Variants in ST8SIA1 observed in about 807,000 individuals in gnomAD.
ST8SIA1 encodes the protein alpha-N-acetylneuraminide alpha-2,8-sialyltransferase.
Under a neutral mutation model 35.9 loss-of-function variants are expected in ST8SIA1, and 16 were observed. That is an observed-to-expected ratio of 0.45 (90% confidence interval 0.30 to 0.68). ST8SIA1 has a LOEUF of 0.68. Ranked by LOEUF, ST8SIA1 falls within the 30% of genes least tolerant of loss-of-function variation. ST8SIA1 has a pLI of 0.09. For missense variants in ST8SIA1, 383 were observed against 453.6 expected, an observed-to-expected ratio of 0.84 and a Z score of 1.41; for synonymous variants, 170 against 169.6, an observed-to-expected ratio of 1.00 and a Z score of -0.02.
intron 4 of ST8SIA1, among the ~76,000 whole-genome samples, chr12:22,211,193 T>A (rs934193809): frequency 2.6e-5 from 4 of 152,200 alleles, no homozygotes; most frequent in African/African-American, 9.6e-5. Context: ...TCTGCAACCC[T>A]CCAGGAACTT....
intron 4 of ST8SIA1, among the ~76,000 whole-genome samples, chr12:22,209,051 AC>A (rs1474825825): frequency 3.3e-5 from 5 of 152,206 alleles, no homozygotes; most frequent in African/African-American, 4.8e-5. Context: ...GACACAAAAG[AC>A]AATGTAAACA....
At chr12:22,262,087 T>G (rs1213849409) in intron 2 of ST8SIA1, among the ~76,000 whole-genome samples, 1 of 152,094 alleles carries the variant, frequency 6.6e-6, no homozygotes, top group Non-Finnish European at 1.5e-5. Context: ...AGTTGAGATT[T>G]CTGGTCTATT....
intron 4 of ST8SIA1, among the ~76,000 whole-genome samples, chr12:22,229,149 G>A: frequency 6.6e-6 from 1 of 152,058 alleles, no homozygotes; most frequent in African/African-American, 2.4e-5. Flanking sequence ...CAGGGGAGGG[G>A]TGTTGAAGGA....
rs1019474597 is a variant in ST8SIA1 at position 22,200,451 on chromosome 12, C to T, written c.*1101G>A. 14 of 152,118 alleles carry T rather than the reference C, an allele frequency of 9.2e-5. No individual in the cohort carries two copies. The highest frequency in any genetic ancestry group is 1.4e-4 in the African/African-American group (6 of 41,430). The allele number at this position is 152,118 out of a possible 1,614,324, so 9.4% of individuals were successfully genotyped here. Reference sequence around the variant, plus strand: ...GTATGCATACATGTTAAGCCTTTTACATTTTTAATGGTATACTAGTAAAAA... The same window carrying T: ...GTATGCATACATGTTAAGCCTTTTATATTTTTAATGGTATACTAGTAAAAA... On this transcript the variant is annotated 3_prime_UTR_variant, in exon 5 of 5. Coordinates refer to ENST00000396037, the MANE Select transcript of ST8SIA1 (RefSeq NM_003034.4).
At chr12:22,313,574 G>A (rs73087100) in intron 1 of ST8SIA1, among the ~76,000 whole-genome samples, 5,183 of 152,250 alleles carry the variant, frequency 0.034, 164 homozygotes, top group South Asian at 0.16. Flanking sequence ...ACCTATTTCA[G>A]TGAATCTAGA....
intron 4 of ST8SIA1, among the ~76,000 whole-genome samples, chr12:22,214,344 G>A (rs1865210673): frequency 6.6e-6 from 1 of 152,028 alleles, no homozygotes; most frequent in Non-Finnish European, 1.5e-5. Flanking sequence ...TTTTATAGTA[G>A]AAATCAATAG....
chr12:22,291,735 A>G (rs751125057), intron 1 of ST8SIA1, among the ~76,000 whole-genome samples: 15 of 152,334 alleles, frequency 9.8e-5, no homozygotes, highest in Admixed American at 5.9e-4. Flanking sequence ...AAATTCTATC[A>G]GTCAGGTGAA....
intron 1 of ST8SIA1, among the ~76,000 whole-genome samples, chr12:22,320,961 A>G (rs868499680): frequency 0.02 from 1,575 of 78,594 alleles, 13 homozygotes; most frequent in Non-Finnish European, 0.031. Flanking sequence ...AAGAAAGAGA[A>G]AGAAAGAAAG....
intron 1 of ST8SIA1, among the ~76,000 whole-genome samples, chr12:22,309,390 C>A (rs1866423468): frequency 6.6e-6 from 1 of 152,136 alleles, no homozygotes; most frequent in African/African-American, 2.4e-5. Flanking sequence ...ATGGAGAATG[C>A]ACAGTAAGGG....
chr12:22,233,464 A>G (rs1865440291), intron 4 of ST8SIA1, among the ~76,000 whole-genome samples: 2 of 152,146 alleles, frequency 1.3e-5, no homozygotes, highest in African/African-American at 4.8e-5. Context: ...AGAATCATAA[A>G]TCACCCTTTT....
chr12:22,317,935 T>C (rs1238415000), intron 1 of ST8SIA1, among the ~76,000 whole-genome samples: 1 of 152,168 alleles, frequency 6.6e-6, no homozygotes, highest in Non-Finnish European at 1.5e-5. Context: ...GGAGATTATA[T>C]ATCTCAGTTT....
intron 1 of ST8SIA1, chr12:22,324,493 A>G (rs1866647814): frequency 6.6e-6 from 1 of 152,196 alleles, no homozygotes; most frequent in South Asian, 2.1e-4. Flanking sequence ...TCTTACAGCC[A>G]TTAGAAGAGA....
intron 1 of ST8SIA1, among the ~76,000 whole-genome samples, chr12:22,287,594 A>G (rs2135816870): frequency 6.6e-6 from 1 of 152,292 alleles, no homozygotes; most frequent in South Asian, 2.1e-4. Context: ...ACAGTTGCAG[A>G]TGTACTGATT....
chr12:22,206,346 G>A (rs1340292240), intron 4 of ST8SIA1, among the ~76,000 whole-genome samples: 1 of 152,140 alleles, frequency 6.6e-6, no homozygotes, highest in Non-Finnish European at 1.5e-5. Flanking sequence ...ATACCTGGAG[G>A]CAGGAGATAC....
chr12:22,273,228 G>C (rs1396453297), intron 2 of ST8SIA1, among the ~76,000 whole-genome samples: 1 of 152,262 alleles, frequency 6.6e-6, no homozygotes, highest in Admixed American at 6.5e-5. Flanking sequence ...GACCCCACCT[G>C]CCCGTTTGGC....
intron 2 of ST8SIA1, among the ~76,000 whole-genome samples, chr12:22,272,020 T>A (rs1370712375): frequency 6.6e-6 from 1 of 152,226 alleles, no homozygotes; most frequent in East Asian, 1.9e-4. Context: ...ACTTAATCTA[T>A]CTTACATCTT....
intron 4 of ST8SIA1, chr12:22,223,884 T>C (rs774144651): frequency 1.9e-5 from 18 of 967,984 alleles, no homozygotes; most frequent in Admixed American, 5.8e-5. Context: ...AATTCTGTTA[T>C]ATCTTCTTTT....
intron 1 of ST8SIA1, among the ~76,000 whole-genome samples, chr12:22,317,766 A>T (rs550006727): frequency 8.5e-5 from 13 of 152,296 alleles, no homozygotes; most frequent in Non-Finnish European, 1.6e-4. Context: ...GAGTCACTAA[A>T]CGCAGCCTCC....
intron 2 of ST8SIA1, among the ~76,000 whole-genome samples, chr12:22,265,965 G>T (rs990115673): frequency 4.0e-5 from 6 of 151,860 alleles, no homozygotes; most frequent in Admixed American, 2.6e-4. Context: ...ACCCACCCAG[G>T]ACCTCTCAAC....
Sources: allele counts gnomAD v4.1 joint callset (sites outside exome capture counted in the v4.1 genomes callset), GRCh38; gene constraint gnomAD v4.1.1; transcripts MANE v1.5; gene names NCBI Gene and HGNC (gene_info 2026-07-23, HGNC 2026-07-21).